ZNF722: variants seen among roughly 807,000 people sequenced by gnomAD.
The protein encoded by ZNF722 is zinc finger protein 722.
the ZNF722 span, among the ~76,000 whole-genome samples, chr7:64,005,345 T>C: frequency 2.8e-3 from 426 of 152,232 alleles, 3 homozygotes; most frequent in African/African-American, 9.6e-3. Flanking sequence ...CATGTCCATG[T>C]TGATGCCCTT....
the ZNF722 span, among the ~76,000 whole-genome samples, chr7:64,014,374 G>T: frequency 1.3e-5 from 2 of 151,414 alleles, no homozygotes; most frequent in Non-Finnish European, 2.9e-5. Flanking sequence ...TGATTTTTTT[G>T]ATTGGACCTT....
chr7:64,015,309 A>C, the ZNF722 span: 4 of 1,299,276 alleles, frequency 3.1e-6, no homozygotes, highest in South Asian at 4.8e-5. Context: ...ATATACTGGA[A>C]AGAAACATTT....
the ZNF722 span, chr7:63,999,075 C>G: frequency 1.3e-6 from 2 of 1,484,056 alleles, no homozygotes; most frequent in African/African-American, 2.8e-5. Flanking sequence ...GTAGCAGGAC[C>G]CAAACTTCCT....
At chr7:63,999,272 T>TC in the ZNF722 span, among the ~76,000 whole-genome samples, 2 of 152,144 alleles carry the variant, frequency 1.3e-5, no homozygotes, top group African/African-American at 4.8e-5. Context: ...CAGCGCCTCA[T>TC]CTCACCCAGA....
chr7:64,010,252 C>T, the ZNF722 span, among the ~76,000 whole-genome samples: 4 of 152,096 alleles, frequency 2.6e-5, no homozygotes, highest in African/African-American at 9.7e-5. Flanking sequence ...TTCAGTTCTG[C>T]TTTGATCTTA....
the ZNF722 span, among the ~76,000 whole-genome samples, chr7:64,000,053 C>T: frequency 2.0e-5 from 3 of 151,762 alleles, no homozygotes; most frequent in Non-Finnish European, 4.4e-5. Context: ...AAAAATCAAT[C>T]CACCTCAGCC....
the ZNF722 span, among the ~76,000 whole-genome samples, chr7:64,001,879 G>C: frequency 6.6e-6 from 1 of 151,646 alleles, no homozygotes; most frequent in East Asian, 1.9e-4. Context: ...TGGTTTCGTT[G>C]AAATATATAT....
chr7:64,014,846 A>C, the ZNF722 span, among the ~76,000 whole-genome samples: 1 of 152,166 alleles, frequency 6.6e-6, no homozygotes, highest in South Asian at 2.1e-4. Flanking sequence ...TAAATTTCCA[A>C]CAAAGGTATT....
the ZNF722 span, among the ~76,000 whole-genome samples, chr7:64,004,425 A>AAAAAAAAAAAAAATATATAT: frequency 8.2e-5 from 5 of 61,120 alleles, no homozygotes; most frequent in African/African-American, 4.0e-4. Context: ...AAAAAAAAAA[A>AAAAAAAAAAAAAATATATAT]ATATATATAT....
the ZNF722 span, chr7:64,006,408 T>C: frequency 1.0e-5 from 9 of 897,360 alleles, no homozygotes; most frequent in African/African-American, 1.4e-4. Flanking sequence ...TCTGGGGAGC[T>C]GTGCTTCGAT....
At chr7:64,003,785 T>C in the ZNF722 span, among the ~76,000 whole-genome samples, 1 of 152,180 alleles carries the variant, frequency 6.6e-6, no homozygotes, top group Non-Finnish European at 1.5e-5. Flanking sequence ...AATGTTCCCA[T>C]TGTAGCTGTT....
chr7:64,017,570 A>G, the ZNF722 span, among the ~76,000 whole-genome samples: 2 of 152,242 alleles, frequency 1.3e-5, no homozygotes, highest in African/African-American at 4.8e-5. Context: ...CCTGAAGCAG[A>G]TGCTCAAACT....
At chr7:63,999,782 C>G in the ZNF722 span, among the ~76,000 whole-genome samples, 1 of 152,050 alleles carries the variant, frequency 6.6e-6, no homozygotes, top group Middle Eastern at 3.2e-3. Flanking sequence ...ACTGCAACCT[C>G]CCCCTCTCGG....
At chr7:63,999,649 G>A in the ZNF722 span, among the ~76,000 whole-genome samples, 47 of 152,246 alleles carry the variant, frequency 3.1e-4, no homozygotes, top group African/African-American at 1.1e-3. Context: ...GTCTGTGGTT[G>A]ACTAGGCCTG....
chr7:64,016,471 A>G, the ZNF722 span, among the ~76,000 whole-genome samples: 1 of 152,306 alleles, frequency 6.6e-6, no homozygotes, highest in African/African-American at 2.4e-5. Context: ...CTTTAAGCAC[A>G]TCTCAGGCCT....
the ZNF722 span, chr7:64,006,218 A>ATT: frequency 8.0e-7 from 1 of 1,243,942 alleles, no homozygotes; most frequent in Non-Finnish European, 1.1e-6. Flanking sequence ...TTTCTTAATA[A>ATT]AACAGGTATT....
At chr7:64,004,425 A>AAAAATATATATATATAT in the ZNF722 span, among the ~76,000 whole-genome samples, 15 of 61,094 alleles carry the variant, frequency 2.5e-4, no homozygotes, top group African/African-American at 1.2e-3. Flanking sequence ...AAAAAAAAAA[A>AAAAATATATATATATAT]ATATATATAT....
chr7:64,008,944 T>C, the ZNF722 span, among the ~76,000 whole-genome samples: 1 of 152,196 alleles, frequency 6.6e-6, no homozygotes, highest in Non-Finnish European at 1.5e-5. Flanking sequence ...AAGTTCTCCT[T>C]AAAGAGGTCC....
At chr7:64,015,179 C>T in the ZNF722 span, 252 of 1,336,168 alleles carry the variant, frequency 1.9e-4, 3 homozygotes, top group South Asian at 2.9e-3. Flanking sequence ...GTGAGGTGCA[C>T]AAAGGAGGTT....
Sources: allele counts gnomAD v4.1 joint callset (sites outside exome capture counted in the v4.1 genomes callset), GRCh38; gene constraint gnomAD v4.1.1; transcripts MANE v1.5; gene names NCBI Gene and HGNC (gene_info 2026-07-23, HGNC 2026-07-21).